Variants in RFX7 observed in about 807,000 individuals in gnomAD.
RFX7 encodes the protein regulatory factor X7.
A neutral mutation model predicts 111.8 loss-of-function variants in RFX7; 26 were observed. That is an observed-to-expected ratio of 0.23 (90% CI 0.17 to 0.32). The LOEUF (loss-of-function observed/expected upper bound fraction) is 0.32. RFX7 is among the 10% of genes least tolerant of loss of function. The probability of loss-of-function intolerance (pLI) is 1.00; values close to 1 mark genes in which losing one functional copy is unlikely to be tolerated. For synonymous variants in RFX7, 624 were observed against 624.4 expected (o/e 1.00, Z 0.01); for missense variants, 1,573 against 1,772.9 (o/e 0.89, Z 2.02).
intron 2 of RFX7, among the ~76,000 whole-genome samples, chr15:56,213,462 ATAACATTCTTGAAG>A (rs1301500455): frequency 6.6e-6 from 1 of 152,238 alleles, no homozygotes; most frequent in Non-Finnish European, 1.5e-5. Context: ...TCCTATCTAC[ATAACATTCTTGAAG>A]TGACAAAAGC....
intron 3 of RFX7, among the ~76,000 whole-genome samples, chr15:56,158,493 G>C (rs2141075929): frequency 6.6e-6 from 1 of 152,190 alleles, no homozygotes; most frequent in East Asian, 1.9e-4. Context: ...AAACATTAAA[G>C]TAGAAAAAAA....
At position 56,094,191 on chromosome 15, in the gene RFX7, T is replaced by A. The variant is rs1438464899; in HGVS notation, c.3537A>T (p.Gly1179=). ...PAVHRQRNLS[G]STLYPVSNIP... The stretch of plus-strand genomic sequence containing the variant: ...TATTAGATACTGGATAGAGGGTGCT[T>A]CCACTAAGATTACGTTGGCGATGAA... The change falls in exon 10 of 10, where the codon GGA becomes GGT. Residue 1179 remains glycine (G), a synonymous_variant. Transcript: ENST00000559447. 1 of 1,613,832 alleles carries A rather than the reference T, an allele frequency of 6.2e-7. No individual in the cohort carries two copies. The highest frequency in any genetic ancestry group is 8.5e-7 in the Non-Finnish European group (1 of 1,179,876).
At chr15:56,203,869 T>C (rs1257921473) in intron 2 of RFX7, among the ~76,000 whole-genome samples, 1 of 152,204 alleles carries the variant, frequency 6.6e-6, no homozygotes, top group Non-Finnish European at 1.5e-5. Flanking sequence ...AGGGCGTCTC[T>C]GTCTATACAG....
chr15:56,127,986 G>C lies in RFX7; in HGVS notation c.401+14792C>G, dbSNP rs183574800. Among the ~76,000 whole-genome samples, 409 of 150,306 alleles carry C rather than the reference G, an allele frequency of 2.7e-3. 1 individual carries two copies. Among genetic ancestry groups the C allele is most frequent in the African/African-American group, 9.6e-3 (394 of 41,038 alleles). ...GACTTTGAATAAAATGTACTACAAG[G>C]GAATACTATGAAAAACTGTATGACA... On this transcript the variant is annotated intron_variant, in intron 5 of 9. Transcript: ENST00000559447.
chr15:56,181,836 C>A (rs1356440928), intron 2 of RFX7, among the ~76,000 whole-genome samples: 1 of 151,896 alleles, frequency 6.6e-6, no homozygotes, highest in Non-Finnish European at 1.5e-5. Flanking sequence ...GGGTCCCCAA[C>A]TCTCATCCCT....
chr15:56,106,707 C>A lies in RFX7; in HGVS notation c.402-3037G>T, dbSNP rs1012604282. On this transcript the variant is annotated intron_variant, in intron 5 of 9. Transcript: ENST00000559447. ...AAAGAAAAAGAATTTCAATAGGACACCTTTCCCCATTAAGAAAAATCTAGA... is the reference window on the plus strand; with the variant it reads ...AAAGAAAAAGAATTTCAATAGGACAACTTTCCCCATTAAGAAAAATCTAGA... 5.9e-5 allele frequency among the ~76,000 whole-genome samples: 9 copies of A among 152,228 alleles called. No homozygotes were observed. The South Asian group carries it at 6.2e-4, about 11-fold the overall frequency.
intron 3 of RFX7, among the ~76,000 whole-genome samples, chr15:56,153,217 A>G (rs1291809858): frequency 6.6e-6 from 1 of 152,244 alleles, no homozygotes; most frequent in Admixed American, 6.5e-5. Context: ...TTATGAGGCC[A>G]GCATCATCCT....
intron 5 of RFX7, among the ~76,000 whole-genome samples, chr15:56,105,936 G>GT (rs2041824259): frequency 6.6e-6 from 1 of 152,154 alleles, no homozygotes; most frequent in Non-Finnish European, 1.5e-5. Context: ...TAACTGATTA[G>GT]TAATTGCTAT....
At position 56,170,891 on chromosome 15, in the gene RFX7, A is replaced by G. The variant is rs555010800; in HGVS notation, c.195+8379T>C. Among the ~76,000 whole-genome samples the G allele has an allele frequency of 2.6e-5, 4 of 152,302 alleles. No individual in the cohort carries two copies. In the East Asian group the frequency reaches 7.7e-4, roughly 29 times the overall value. On this transcript the variant is annotated intron_variant, in intron 3 of 9. Transcript: ENST00000559447. Reference sequence around the variant, plus strand: ...TGATAGGCTGTGGGGAGAGTGGAGAAAGATGAGGTTGGACAAAAAAGGTAA... The same window carrying G: ...TGATAGGCTGTGGGGAGAGTGGAGAGAGATGAGGTTGGACAAAAAAGGTAA...
intron 3 of RFX7, among the ~76,000 whole-genome samples, chr15:56,145,848 C>T (rs2042460858): frequency 6.6e-6 from 1 of 152,156 alleles, no homozygotes; most frequent in East Asian, 1.9e-4. Flanking sequence ...AATTCGTTTG[C>T]TTATGCATTA....
intron 2 of RFX7, among the ~76,000 whole-genome samples, chr15:56,183,764 A>T (rs2141144504): frequency 6.6e-6 from 1 of 152,300 alleles, no homozygotes; most frequent in African/African-American, 2.4e-5. Context: ...AACTTTATGT[A>T]GGACTTTATT....
At chr15:56,164,331 A>G (rs1228737280) in intron 3 of RFX7, among the ~76,000 whole-genome samples, 1 of 152,138 alleles carries the variant, frequency 6.6e-6, no homozygotes, top group African/African-American at 2.4e-5. Flanking sequence ...CCAGGGCCAT[A>G]AGCACCAGAT....
Position 56,179,431 on chromosome 15 carries a change from T to G in RFX7, c.162-128A>C, listed in dbSNP as rs530957840. 3.7e-5 allele frequency: 11 copies of G among 295,136 alleles called. No individual in the cohort carries two copies. In the East Asian group the frequency reaches 1.3e-3, roughly 35 times the overall value. 18.3% of individuals were successfully genotyped at this position (295,136 alleles called of 1,614,324 possible). A position where few individuals can be genotyped will look rare whatever the true frequency, so the allele number is the denominator to read the frequency against. On this transcript the variant is annotated intron_variant, in intron 2 of 9. Coordinates refer to ENST00000559447, the MANE Select transcript of RFX7 (RefSeq NM_022841.7). ...AATAAATACAGCTTCCTATTAAGATTAGGGATTGTAGCCTAAATCTGTGTT... is the reference window on the plus strand; with the variant it reads ...AATAAATACAGCTTCCTATTAAGATGAGGGATTGTAGCCTAAATCTGTGTT...
rs549451033 is a variant in RFX7 at position 56,206,626 on chromosome 15, A to T, written c.162-27323T>A. ...TAAGTGTCCATCAACAGATGAATGGATAATGTGGTACATATACACAATGGA... is the reference window on the plus strand; with the variant it reads ...TAAGTGTCCATCAACAGATGAATGGTTAATGTGGTACATATACACAATGGA... On this transcript the variant is annotated intron_variant, in intron 2 of 9. Coordinates refer to ENST00000559447, the MANE Select transcript of RFX7 (RefSeq NM_022841.7). Among the ~76,000 whole-genome samples the T allele has an allele frequency of 3.3e-5, 5 of 152,308 alleles. No homozygotes were observed. The South Asian group carries it at 1.0e-3, about 32-fold the overall frequency.
intron 2 of RFX7, among the ~76,000 whole-genome samples, chr15:56,180,327 T>A (rs2042955673): frequency 6.6e-6 from 1 of 152,180 alleles, no homozygotes; most frequent in African/African-American, 2.4e-5. Context: ...GGATTCAGTT[T>A]AACTGCAAAG....
At chr15:56,185,598 T>C (rs2043030250) in intron 2 of RFX7, among the ~76,000 whole-genome samples, 1 of 152,186 alleles carries the variant, frequency 6.6e-6, no homozygotes, top group Non-Finnish European at 1.5e-5. Context: ...AATAAGACTA[T>C]AATTTTTACA....
At chr15:56,127,842 G>C (rs372125315) in intron 5 of RFX7, among the ~76,000 whole-genome samples, 1 of 151,386 alleles carries the variant, frequency 6.6e-6, no homozygotes, top group Non-Finnish European at 1.5e-5. Context: ...CACTGCGCCC[G>C]GCCGAAAAGA....
chr15:56,212,641 T>C (rs1158644577), intron 2 of RFX7, among the ~76,000 whole-genome samples: 2 of 152,158 alleles, frequency 1.3e-5, no homozygotes, highest in Non-Finnish European at 2.9e-5. Context: ...CTGGTTCTTC[T>C]TTTGTGTGAA....
intron 5 of RFX7, among the ~76,000 whole-genome samples, chr15:56,109,698 G>A (rs1264712763): frequency 7.3e-5 from 11 of 149,706 alleles, no homozygotes; most frequent in African/African-American, 1.7e-4. Context: ...CTGCCCTGTC[G>A]CCCCGTCCGG....
Sources: allele counts gnomAD v4.1 joint callset (sites outside exome capture counted in the v4.1 genomes callset), GRCh38; gene constraint gnomAD v4.1.1; transcripts MANE v1.5; gene names NCBI Gene and HGNC (gene_info 2026-07-23, HGNC 2026-07-21).